The following PAPPA variants were observed in gnomAD, a reference collection of about 807,000 sequenced individuals.
The protein encoded by PAPPA is pappalysin-1.
Under a neutral mutation model 164.0 loss-of-function variants are expected in PAPPA, and 60 were observed. The observed-to-expected ratio is 0.37, with a 90% CI of 0.30 to 0.45. The LOEUF is 0.45. Among genes scored for constraint, PAPPA ranks in the 20% least tolerant of loss-of-function variants. The probability of loss-of-function intolerance (pLI) is 1.00; values close to 1 mark genes in which losing one functional copy is unlikely to be tolerated. For missense variants in PAPPA, 1,782 were observed against 2,087.3 expected (o/e 0.85, Z 2.85); for synonymous variants, 875 against 814.1 (o/e 1.07, Z -1.27).
chr9:116,188,596 T>C (rs1384343848), intron 2 of PAPPA, among the ~76,000 whole-genome samples: 1 of 152,172 alleles, frequency 6.6e-6, no homozygotes, highest in African/African-American at 2.4e-5. Context: ...TAAATTTAAA[T>C]CAGTCAAAGT....
At chr9:116,387,835 A>AGGCTT (rs1334307781) in intron 21 of PAPPA, among the ~76,000 whole-genome samples, 2 of 152,196 alleles carry the variant, frequency 1.3e-5, no homozygotes, top group African/African-American at 4.8e-5. Flanking sequence ...CTTTTGCAGC[A>AGGCTT]GGCTTGTGTC....
At chr9:116,336,511 G>A (rs1164039132) in intron 13 of PAPPA, among the ~76,000 whole-genome samples, 1 of 152,156 alleles carries the variant, frequency 6.6e-6, no homozygotes, top group Non-Finnish European at 1.5e-5. Context: ...CATGTCAATG[G>A]AAATCCACTA....
At chr9:116,157,636 C>T (rs757827136) in intron 1 of PAPPA, among the ~76,000 whole-genome samples, 1 of 152,026 alleles carries the variant, frequency 6.6e-6, no homozygotes, top group African/African-American at 2.4e-5. Context: ...AGCTCCTCAG[C>T]GGCAGGAACT....
At chr9:116,235,730 C>A in intron 7 of PAPPA, 93 bp downstream of exon 7, 3 of 1,215,166 alleles carry the variant, frequency 2.5e-6, no homozygotes, top group Non-Finnish European at 3.6e-6. Context: ...GGGGAAGGTT[C>A]ATCACAGTCA....
chr9:116,161,825 G>A (rs2118976147), intron 1 of PAPPA, among the ~76,000 whole-genome samples: 1 of 152,162 alleles, frequency 6.6e-6, no homozygotes, highest in East Asian at 1.9e-4. Flanking sequence ...TGTTCATGCT[G>A]TGGTGTGTGA....
intron 5 of PAPPA, among the ~76,000 whole-genome samples, chr9:116,227,190 G>A (rs1844523731): frequency 6.6e-6 from 1 of 152,168 alleles, no homozygotes; most frequent in Non-Finnish European, 1.5e-5. Flanking sequence ...GCTGCTAAAA[G>A]TCAGAGAAAT....
rs1846965199 is a variant in PAPPA, at chr9:116,396,513, C to T, written c.4781C>T (p.Thr1594Ile). The T allele has an allele frequency of 2.6e-6, 2 of 780,738 alleles. No individual in the cohort carries two copies. Among genetic ancestry groups the T allele is most frequent in the Non-Finnish European group, 4.8e-6 (2 of 417,936 alleles). The allele number at this position is 780,738 out of a possible 1,614,324, so 48.4% of individuals were successfully genotyped here. A position where few individuals can be genotyped will look rare whatever the true frequency, so the allele number is the denominator to read the frequency against. The change falls in exon 22 of 22, where the codon ACC becomes ATC. Residue 1594 changes from threonine (T) to isoleucine (I), a missense_variant. By Grantham distance (89) the Thr-to-Ile change is moderately conservative. This residue lies in a region of PAPPA where 1,324 missense variants were observed against 1,656.9 expected (regional missense o/e 0.80). Transcript: ENST00000328252. ...CTSTVKTKKV[T>I]PFPMSCDLQG... is the part of the protein sequence containing the mutation. ...ATTCACTTCTTCTTTCTGCAGGTCACCCCATTCCCTATGTCCTGTGATCTA... is the reference window on the plus strand; with the variant it reads ...ATTCACTTCTTCTTTCTGCAGGTCATCCCATTCCCTATGTCCTGTGATCTA...
In PAPPA at chr9:116,187,854, C is replaced by G. The variant is rs201148082; in HGVS notation, c.1116C>G (p.Arg372=). The G allele has an allele frequency of 2.5e-6, 4 of 1,614,068 alleles. No homozygotes were observed. The highest frequency in any genetic ancestry group is 3.3e-5 in the Admixed American group (2 of 60,016). The stretch of plus-strand genomic sequence containing the variant: ...ATCATAAGAACCCGACGGTGACGCG[C>G]GAGCAGGTGGACTTCCAGCACCATC... The part of the protein sequence containing the change: ...EDDHKNPTVT[R]EQVDFQHHQL... The change falls in exon 2 of 22, where the codon CGC becomes CGG. Residue 372 remains arginine, a synonymous_variant. Coordinates refer to ENST00000328252, the MANE Select transcript of PAPPA (RefSeq NM_002581.5). This position sits in a 1 kb window ranked among gnomAD's most constrained non-coding sequence, Gnocchi z 4.2.
intron 10 of PAPPA, among the ~76,000 whole-genome samples, chr9:116,311,768 C>G (rs1039701626): frequency 1.3e-5 from 2 of 152,172 alleles, no homozygotes; most frequent in African/African-American, 4.8e-5. Flanking sequence ...TGCGAGGCAT[C>G]TAATTCTTGT....
At chr9:116,224,186 A>G (rs944747790) in intron 5 of PAPPA, among the ~76,000 whole-genome samples, 1 of 152,190 alleles carries the variant, frequency 6.6e-6, no homozygotes, top group Non-Finnish European at 1.5e-5. Context: ...AGATCCTCCC[A>G]CAGCCTGTGT....
intron 1 of PAPPA, among the ~76,000 whole-genome samples, chr9:116,166,319 C>T (rs548092847): frequency 4.9e-4 from 74 of 152,296 alleles, no homozygotes; most frequent in Non-Finnish European, 8.4e-4. Context: ...CGCCTCTCAG[C>T]CCTGTGCCTG....
At chr9:116,179,714 AC>A (rs1843881440) in intron 1 of PAPPA, among the ~76,000 whole-genome samples, 1 of 152,060 alleles carries the variant, frequency 6.6e-6, no homozygotes, top group Non-Finnish European at 1.5e-5. Flanking sequence ...CCCCGACTGA[AC>A]CAAGTGCAGG....
At chr9:116,211,525 G>C in intron 3 of PAPPA, 114 bp from the exon 4 acceptor site, 1 of 847,248 alleles carries the variant, frequency 1.2e-6, no homozygotes, top group Middle Eastern at 2.7e-4. Context: ...TCCTAGGGTG[G>C]AGAAGCTTGT....
intron 1 of PAPPA, among the ~76,000 whole-genome samples, chr9:116,170,628 C>T (rs867277902): frequency 1.3e-5 from 2 of 148,250 alleles, no homozygotes; most frequent in African/African-American, 5.0e-5. Context: ...TATCTCCCCC[C>T]ACTCCCTCCC....
At chr9:116,294,755 C>T (rs890156908) in intron 9 of PAPPA, among the ~76,000 whole-genome samples, 1 of 152,126 alleles carries the variant, frequency 6.6e-6, no homozygotes. Context: ...GTTATTGAAC[C>T]CATCTCTAAA....
In PAPPA at chr9:116,397,759, A is replaced by C. The variant is rs775934327; in HGVS notation, c.*1143A>C. The C allele has an allele frequency of 6.6e-6, 1 of 152,666 alleles. No individual in the cohort carries two copies. Among genetic ancestry groups the C allele is most frequent in the Non-Finnish European group, 1.5e-5 (1 of 68,054 alleles). The allele number at this position is 152,666 out of a possible 1,614,324, so 9.5% of individuals were successfully genotyped here. On this transcript the variant is annotated 3_prime_UTR_variant, in exon 22 of 22. Transcript: ENST00000328252. The stretch of plus-strand genomic sequence containing the variant: ...TTTTGTAAACAAGTGGAACAGTGTT[A>C]AATTTCTATGATGTTGGAGCCATCC...
At chr9:116,319,431 G>A (rs1845826709) in intron 10 of PAPPA, among the ~76,000 whole-genome samples, 1 of 152,178 alleles carries the variant, frequency 6.6e-6, no homozygotes, top group East Asian at 1.9e-4. Flanking sequence ...GGGTAGAGGT[G>A]TGAGAACTAA....
At chr9:116,219,853 G>A in intron 4 of PAPPA, 84 bp from the exon 5 acceptor site, 1 of 1,170,720 alleles carries the variant, frequency 8.5e-7, no homozygotes, top group Non-Finnish European at 1.2e-6. Context: ...GCTGACTCTT[G>A]GGCCGCCAGG....
intron 7 of PAPPA, among the ~76,000 whole-genome samples, chr9:116,262,639 C>A (rs1044078081): frequency 6.6e-6 from 1 of 152,062 alleles, no homozygotes; most frequent in African/African-American, 2.4e-5. Flanking sequence ...GACATATGGG[C>A]CTCAGGAGAG....
Sources: allele counts gnomAD v4.1 joint callset (sites outside exome capture counted in the v4.1 genomes callset), GRCh38; gene constraint gnomAD v4.1.1; regional missense constraint gnomAD v4.1.1; non-coding constraint Gnocchi (gnomAD v3.1); transcripts MANE v1.5; gene names NCBI Gene and HGNC (gene_info 2026-07-23, HGNC 2026-07-21).